The following IQANK1 variants were observed in gnomAD, a reference collection of about 807,000 sequenced individuals.
IQANK1 encodes IQ motif and ankyrin repeat containing 1, also known as IQ motif and ankyrin repeat domain-containing protein 1.
In IQANK1, 30 loss-of-function variants were observed where a neutral mutation model predicts 22.6. The ratio of observed to expected loss-of-function variants is 1.33; its 90% CI spans 0.99 to 1.80. The LOEUF is 1.80. IQANK1 is among the 40% of genes most tolerant of loss of function. The pLI, the probability that IQANK1 is intolerant of heterozygous loss-of-function variation, is 0.00. For synonymous variants in IQANK1, 122 were observed against 99.6 expected, an observed-to-expected ratio of 1.23 and a Z score of -1.34; for missense variants, 275 against 235.2, an observed-to-expected ratio of 1.17 and a Z score of -1.11.
chr8:143,779,622 G>A (rs781937278), intron 7 of IQANK1, among the ~76,000 whole-genome samples: 8 of 152,044 alleles, frequency 5.3e-5, no homozygotes, highest in South Asian at 4.1e-4. Context: ...AAGTTTACTC[G>A]TTATATTATC....
At chr8:143,743,081 C>T (rs781918351) in intron 3 of IQANK1, 2 of 455,048 alleles carry the variant, frequency 4.4e-6, no homozygotes, top group African/African-American at 2.0e-5. Flanking sequence ...GCAGCCACCA[C>T]ATCTACCAGC....
At chr8:143,775,787 T>TAC (rs35665050) in intron 7 of IQANK1, among the ~76,000 whole-genome samples, 12,466 of 129,394 alleles carry the variant, frequency 0.096, 616 homozygotes, top group East Asian at 0.17. Flanking sequence ...ATAGCTGTAT[T>TAC]ACACACACAC....
In IQANK1 at chr8:143,789,533, G is replaced by C; in HGVS notation, c.1086+5G>C. ...AAGACCAAGCTCACGCTGCAGGTGG[G>C]GGCCCGTGGTGGACTTGATATGCCC... On this transcript the variant is annotated splice_donor_5th_base_variant and intron_variant, in intron 10 of 13. Transcript: ENST00000527139. The C allele has an allele frequency of 8.1e-7, 1 of 1,232,168 alleles. No individual in the cohort carries two copies. The highest frequency in any genetic ancestry group is 1.0e-6 in the Non-Finnish European group (1 of 988,108). 76.3% of individuals were successfully genotyped at this position (1,232,168 alleles called of 1,614,324 possible). A position where few individuals can be genotyped will look rare whatever the true frequency, so the allele number is the denominator to read the frequency against.
rs532717332 is a variant in IQANK1, at chr8:143,767,936, T to C, written c.176-3552T>C. On this transcript the variant is annotated intron_variant, in intron 3 of 13. Coordinates refer to ENST00000527139, the MANE Select transcript of IQANK1 (RefSeq NM_001381874.1). Reference sequence around the variant, plus strand: ...TCTCGCTCTGTCGCCCAGGCTGGAGTGCAGTGGCTCAATCTTGGCTCACTG... The same window carrying C: ...TCTCGCTCTGTCGCCCAGGCTGGAGCGCAGTGGCTCAATCTTGGCTCACTG... Among the ~76,000 whole-genome samples the C allele has an allele frequency of 7.4e-5, 9 of 121,416 alleles. No homozygotes were observed. The South Asian group carries it at 2.2e-3, about 30-fold the overall frequency. 79.7% of individuals were successfully genotyped at this position (121,416 alleles called of 152,430 possible).
chr8:143,777,520 T>TAAAAA (rs58155811), intron 7 of IQANK1, among the ~76,000 whole-genome samples: 1 of 98,394 alleles, frequency 1.0e-5, no homozygotes, highest in Non-Finnish European at 2.1e-5. Context: ...GACTCCGTCT[T>TAAAAA]AAAAAAAAAA....
At chr8:143,767,045 C>T (rs1244593105) in intron 3 of IQANK1, among the ~76,000 whole-genome samples, 2 of 152,270 alleles carry the variant, frequency 1.3e-5, no homozygotes, top group Admixed American at 1.3e-4. Flanking sequence ...GAACATCGCA[C>T]TGTCTTCACC....
Position 143,739,710 on chromosome 8 carries a change from T to C in IQANK1, c.86-149T>C, listed in dbSNP as rs1211186147. On this transcript the variant is annotated intron_variant, in intron 2 of 13. Transcript: ENST00000527139. ...GAGGAGCCCGTGCTCCTTAAGGTTG[T>C]CCGTGTGCTTCCCTCGGGAGGAGGC... 8.7e-6 allele frequency: 5 copies of C among 572,706 alleles called. No individual in the cohort carries two copies. In the African/African-American group the frequency reaches 9.5e-5, roughly 11 times the overall value. 35.5% of individuals were successfully genotyped at this position (572,706 alleles called of 1,614,324 possible).
At chr8:143,763,188 G>A (rs1450285224) in intron 3 of IQANK1, among the ~76,000 whole-genome samples, 1 of 151,898 alleles carries the variant, frequency 6.6e-6, no homozygotes, top group African/African-American at 2.4e-5. Flanking sequence ...GCTAATTTTT[G>A]TATTTTTATT....
chr8:143,738,723 G>T (rs917570878), intron 2 of IQANK1, among the ~76,000 whole-genome samples: 1 of 146,890 alleles, frequency 6.8e-6, no homozygotes, highest in African/African-American at 2.5e-5. Flanking sequence ...CGGCTCCCCC[G>T]GTCCCACAGC....
chr8:143,772,514 G>A, intron 7 of IQANK1, 32 bp downstream of exon 7: 1 of 398,642 alleles, frequency 2.5e-6, no homozygotes, highest in Non-Finnish European at 4.4e-6. Flanking sequence ...GCCCCGGGAG[G>A]TGTGAGCCCC....
At chr8:143,760,776 G>A (rs1819380367) in intron 3 of IQANK1, among the ~76,000 whole-genome samples, 1 of 152,244 alleles carries the variant, frequency 6.6e-6, no homozygotes, top group Non-Finnish European at 1.5e-5. Context: ...AGCTCCCACG[G>A]AGATGATTCT....
intron 3 of IQANK1, among the ~76,000 whole-genome samples, chr8:143,750,625 C>T (rs1156571040): frequency 6.6e-6 from 1 of 151,978 alleles, no homozygotes; most frequent in Non-Finnish European, 1.5e-5. Context: ...TGCTTGAGGC[C>T]TGGAGTTGGA....
At chr8:143,734,534 C>G (rs1223634502) in intron 1 of IQANK1, among the ~76,000 whole-genome samples, 2 of 151,744 alleles carry the variant, frequency 1.3e-5, no homozygotes, top group Admixed American at 6.6e-5. Context: ...TACACCAACC[C>G]CCAAGCACAG....
At chr8:143,736,331 G>C (rs1818738448) in intron 2 of IQANK1, among the ~76,000 whole-genome samples, 1 of 152,042 alleles carries the variant, frequency 6.6e-6, no homozygotes, top group Admixed American at 6.6e-5. Context: ...TTTTAGTAGA[G>C]ACGGGGTTTC....
chr8:143,780,769 T>TGGG (rs1554630861), intron 7 of IQANK1, among the ~76,000 whole-genome samples: 2 of 152,218 alleles, frequency 1.3e-5, no homozygotes, highest in African/African-American at 4.8e-5. Context: ...CTATTGTGAA[T>TGGG]AGTGCTGCAG....
chr8:143,756,828 A>G (rs1448806708), intron 3 of IQANK1, among the ~76,000 whole-genome samples: 1 of 150,738 alleles, frequency 6.6e-6, no homozygotes, highest in African/African-American at 2.4e-5. Flanking sequence ...AAAAAAAAAA[A>G]GTAGCTGGGT....
intron 2 of IQANK1, among the ~76,000 whole-genome samples, chr8:143,737,205 C>T (rs139281796): frequency 1.9e-3 from 287 of 152,328 alleles, no homozygotes; most frequent in Non-Finnish European, 2.1e-3. Flanking sequence ...CTCCAATAAA[C>T]GGGGGGCAGG....
In IQANK1 at chr8:143,774,938, G is replaced by A. The variant is rs1425425761; in HGVS notation, c.789+2456G>A. 6.6e-6 allele frequency among the ~76,000 whole-genome samples: 1 copy of A among 152,010 alleles called. No individual in the cohort carries two copies. Among genetic ancestry groups the A allele is most frequent in the African/African-American group, 2.4e-5 (1 of 41,268 alleles). On this transcript the variant is annotated intron_variant, in intron 7 of 13. Transcript: ENST00000527139. The surrounding 1 kb of genome is among the most constrained non-coding windows in gnomAD (Gnocchi z 4.2). ...ACATGACAACACTGTGGAGACGGAG[G>A]ACAGATCGGAGGGCTGCAGGGGTTA...
chr8:143,764,154 G>A (rs919837209), intron 3 of IQANK1, among the ~76,000 whole-genome samples: 14 of 152,094 alleles, frequency 9.2e-5, no homozygotes, highest in Admixed American at 3.9e-4. Flanking sequence ...GGAAGGACTC[G>A]GCGGCAGAGG....
Sources: gnomAD v4.1 joint callset for allele counts (sites outside exome capture counted in the v4.1 genomes callset) on GRCh38, gnomAD v4.1.1 for gene constraint, Gnocchi (gnomAD v3.1) non-coding constraint, MANE v1.5 for transcripts, NCBI Gene and HGNC (gene_info 2026-07-23, HGNC 2026-07-21) for gene names.